Variants in COL19A1 observed in about 807,000 individuals in gnomAD.
The protein encoded by COL19A1 is collagen alpha-1(XIX) chain.
In COL19A1, 159 loss-of-function variants were observed where a neutral mutation model predicts 190.2. That is an observed-to-expected ratio of 0.84 (90% CI 0.73 to 0.95). COL19A1 has a LOEUF of 0.95. Among genes scored for constraint, COL19A1 ranks in the 40% least tolerant of loss-of-function variants. COL19A1 has a pLI of 0.00. For missense variants in COL19A1, 1,418 were observed against 1,431.9 expected, an observed-to-expected ratio of 0.99 and a Z score of 0.16; for synonymous variants, 509 against 458.9, an observed-to-expected ratio of 1.11 and a Z score of -1.39.
chr6:70,109,160 G>T lies in COL19A1; in HGVS notation c.1278+6938G>T, dbSNP rs75140820. On this transcript the variant is annotated intron_variant, in intron 16 of 50. Transcript: ENST00000620364. ...AGACAAAACAATTTCGGTTTAGAGT[G>T]AGGTGCTATGGGGGGAATAAACTGG... Among the ~76,000 whole-genome samples, 7 of 152,204 alleles carry T rather than the reference G, an allele frequency of 4.6e-5. No individual in the cohort carries two copies. The East Asian group carries it at 1.3e-3, about 29-fold the overall frequency.
intron 33 of COL19A1, 33 bp from the exon 34 acceptor site, chr6:70,156,637 T>G (rs752300364): frequency 1.1e-5 from 18 of 1,605,986 alleles, no homozygotes; most frequent in Non-Finnish European, 1.4e-5. Flanking sequence ...GAAAAATGAT[T>G]GCATGTGCTA....
chr6:70,205,782 C>G (rs763783357), intron 49 of COL19A1, among the ~76,000 whole-genome samples: 6 of 152,166 alleles, frequency 3.9e-5, no homozygotes, highest in African/African-American at 1.4e-4. Context: ...TCTTGTAGCT[C>G]AGCCAATAGC....
chr6:69,996,775 T>A (rs1776927198), intron 11 of COL19A1, among the ~76,000 whole-genome samples: 1 of 152,050 alleles, frequency 6.6e-6, no homozygotes, highest in Non-Finnish European at 1.5e-5. Flanking sequence ...AACAAGCTTA[T>A]TTAAAACCTT....
intron 48 of COL19A1, among the ~76,000 whole-genome samples, chr6:70,197,587 T>C (rs770355561): frequency 6.6e-6 from 1 of 152,194 alleles, no homozygotes; most frequent in Non-Finnish European, 1.5e-5. Flanking sequence ...GTATGATGAT[T>C]TGTAAAACTA....
Position 69,921,420 on chromosome 6 carries a change from T to TATCATATATATCATATATATC in COL19A1, c.267-6487_267-6486insCATATATATCATATATATCAT, listed in dbSNP as rs1771847366. Among the ~76,000 whole-genome samples the TATCATATATATCATATATATC allele has an allele frequency of 1.7e-5, 2 of 115,454 alleles. 1 individual carries two copies. Among genetic ancestry groups the TATCATATATATCATATATATC allele is most frequent in the African/African-American group, 8.2e-5 (2 of 24,418 alleles). 75.7% of individuals were successfully genotyped at this position (115,454 alleles called of 152,430 possible). ...CATATATCATATATATCATATATCA[T>TATCATATATATCATATATATC]ATATATCATATATATCATATATATC... On this transcript the variant is annotated intron_variant, in intron 4 of 50. Coordinates refer to ENST00000620364, the MANE Select transcript of COL19A1 (RefSeq NM_001858.6).
chr6:69,914,121 C>T (rs1217845961), intron 4 of COL19A1, among the ~76,000 whole-genome samples: 1 of 152,126 alleles, frequency 6.6e-6, no homozygotes, highest in Non-Finnish European at 1.5e-5. Context: ...TTTACAATGC[C>T]ACATTGAACT....
chr6:69,880,993 A>T (rs1768511316), intron 2 of COL19A1, among the ~76,000 whole-genome samples: 1 of 152,216 alleles, frequency 6.6e-6, no homozygotes, highest in African/African-American at 2.4e-5. Flanking sequence ...GTTTTTAGGC[A>T]CATGCTAGTG....
At chr6:70,140,605 T>C (rs1786186508) in intron 19 of COL19A1, among the ~76,000 whole-genome samples, 1 of 152,126 alleles carries the variant, frequency 6.6e-6, no homozygotes, top group East Asian at 1.9e-4. Context: ...CTTGCTGTCA[T>C]TCCCATTTCA....
chr6:69,994,535 A>G (rs934422785), intron 11 of COL19A1, among the ~76,000 whole-genome samples: 2 of 152,166 alleles, frequency 1.3e-5, no homozygotes, highest in African/African-American at 4.8e-5. Context: ...TGTCTCTCTC[A>G]GATGAGTATA....
intron 37 of COL19A1, 23 bp downstream of exon 37, chr6:70,166,008 T>C: frequency 1.2e-6 from 2 of 1,609,816 alleles, no homozygotes; most frequent in Non-Finnish European, 1.7e-6. Flanking sequence ...AGGCTTAAAA[T>C]TTAAAATTCA....
intron 49 of COL19A1, among the ~76,000 whole-genome samples, chr6:70,203,321 G>T (rs1451649803): frequency 6.6e-6 from 1 of 152,140 alleles, no homozygotes; most frequent in Middle Eastern, 3.2e-3. Context: ...AGTTCCAAAA[G>T]GACAGTAGTG....
intron 6 of COL19A1, 55 bp from the exon 7 acceptor site, chr6:69,932,728 C>T: frequency 9.9e-7 from 1 of 1,009,196 alleles, no homozygotes. Context: ...TTCTTAACTG[C>T]CTGAATGTGA....
At chr6:70,094,136 ATAT>A (rs1783097437) in intron 15 of COL19A1, among the ~76,000 whole-genome samples, 1 of 152,214 alleles carries the variant, frequency 6.6e-6, no homozygotes, top group South Asian at 2.1e-4. Flanking sequence ...TGTACTTAAC[ATAT>A]TATGTCTTCC....
At chr6:70,116,591 C>G (rs1315150212) in intron 16 of COL19A1, among the ~76,000 whole-genome samples, 1 of 152,144 alleles carries the variant, frequency 6.6e-6, no homozygotes, top group East Asian at 1.9e-4. Context: ...CTTTTCCAAC[C>G]ATTATTATTT....
intron 11 of COL19A1, among the ~76,000 whole-genome samples, chr6:69,977,241 T>G (rs1432277760): frequency 6.6e-6 from 1 of 152,058 alleles, no homozygotes; most frequent in Non-Finnish European, 1.5e-5. Context: ...CCATAAAAAA[T>G]GATGAGTTCA....
chr6:69,921,359 CAT>C lies in COL19A1; in HGVS notation c.267-6543_267-6542del, dbSNP rs752492645. On this transcript the variant is annotated intron_variant, in intron 4 of 50. Transcript: ENST00000620364. ...ATCTATATATATCATATATCATAAT[CAT>C]ATATATCATATATATCATATATATC... Among the ~76,000 whole-genome samples, 215 of 93,562 alleles carry C rather than the reference CAT, an allele frequency of 2.3e-3. 2 individuals carry two copies. The East Asian group carries it at 0.028, about 12-fold the overall frequency. 61.4% of individuals were successfully genotyped at this position (93,562 alleles called of 152,430 possible).
chr6:70,187,334 A>G (rs1385445646), intron 46 of COL19A1, among the ~76,000 whole-genome samples: 1 of 152,142 alleles, frequency 6.6e-6, no homozygotes, highest in Non-Finnish European at 1.5e-5. Flanking sequence ...CAACGTGCAC[A>G]CACACATGCA....
At chr6:70,089,187 G>A (rs1782756730) in intron 15 of COL19A1, among the ~76,000 whole-genome samples, 2 of 151,928 alleles carry the variant, frequency 1.3e-5, no homozygotes, top group South Asian at 2.1e-4. Context: ...ATAATCATCT[G>A]GTAAAAATAC....
chr6:70,024,812 T>C (rs1241486797), intron 12 of COL19A1, among the ~76,000 whole-genome samples: 3 of 152,232 alleles, frequency 2.0e-5, no homozygotes, highest in African/African-American at 7.2e-5. Flanking sequence ...AGTCTCTGCA[T>C]CTTCTTTACC....
Sources: gnomAD v4.1 joint callset for allele counts (sites outside exome capture counted in the v4.1 genomes callset) on GRCh38, gnomAD v4.1.1 for gene constraint, MANE v1.5 for transcripts, NCBI Gene and HGNC (gene_info 2026-07-23, HGNC 2026-07-21) for gene names.